Variants in CHL1 observed in about 807,000 individuals in gnomAD.
The protein encoded by CHL1 is cell adhesion molecule L1 like.
Under a neutral mutation model 141.9 loss-of-function variants are expected in CHL1, and 96 were observed. The observed-to-expected ratio is 0.68, with a 90% CI of 0.57 to 0.80. The LOEUF (loss-of-function observed/expected upper bound fraction) is 0.80, where lower values mean the gene tolerates loss of function less well. Ranked by LOEUF, CHL1 falls within the 30% of genes least tolerant of loss-of-function variation. CHL1 has a pLI of 0.00. For missense variants in CHL1, 1,820 were observed against 1,457.2 expected, an observed-to-expected ratio of 1.25 and a Z score of -4.05; for synonymous variants, 613 against 502.2, an observed-to-expected ratio of 1.22 and a Z score of -2.95.
At chr3:405,055 A>G (rs1170184413) in intron 27 of CHL1, among the ~76,000 whole-genome samples, 1 of 152,090 alleles carries the variant, frequency 6.6e-6, no homozygotes, top group African/African-American at 2.4e-5. Flanking sequence ...AATATCATTC[A>G]CTAGGGTTCC....
chr3:302,284 T>G (rs748324632), intron 2 of CHL1, among the ~76,000 whole-genome samples: 2 of 152,248 alleles, frequency 1.3e-5, no homozygotes, highest in Non-Finnish European at 2.9e-5. Flanking sequence ...CTGGGTCAAA[T>G]GGTATTTCTA....
intron 14 of CHL1, 29 bp downstream of exon 14, chr3:363,412 G>A: frequency 6.3e-7 from 1 of 1,585,502 alleles, no homozygotes; most frequent in African/African-American, 1.3e-5. Flanking sequence ...TACTTTGCAT[G>A]AATTGTCACA....
At chr3:322,872 C>T (rs1700709458) in intron 3 of CHL1, among the ~76,000 whole-genome samples, 1 of 150,872 alleles carries the variant, frequency 6.6e-6, no homozygotes, top group Admixed American at 6.6e-5. Context: ...TCCATATACT[C>T]AGAGTAAAAA....
intron 2 of CHL1, chr3:248,234 C>T (rs1045723800): frequency 1.3e-5 from 2 of 152,056 alleles, no homozygotes; most frequent in African/African-American, 4.8e-5. Context: ...ATCAAGTACA[C>T]AAATAAATTT....
rs367803186 is a variant in CHL1, at chr3:276,753, C to G, written c.-95+32061C>G. ...AAATACAAAAAATTAGCTGGGCATG[C>G]TGGCCGGCACCTGTAGTCCCAGCTA... On this transcript the variant is annotated intron_variant, in intron 2 of 27. Coordinates refer to ENST00000256509, the MANE Select transcript of CHL1 (RefSeq NM_006614.4). 2.3e-3 allele frequency among the ~76,000 whole-genome samples: 353 copies of G among 151,838 alleles called. 1 individual carries two copies. Among genetic ancestry groups the G allele is most frequent in the African/African-American group, 7.6e-3 (314 of 41,422 alleles).
chr3:376,188 T>TAA (rs1706292014), intron 15 of CHL1, among the ~76,000 whole-genome samples: 1 of 152,244 alleles, frequency 6.6e-6, no homozygotes, highest in East Asian at 1.9e-4. Context: ...GAGGGAGGAA[T>TAA]AAGTGACTGT....
At chr3:375,681 C>T (rs1706224781) in intron 15 of CHL1, among the ~76,000 whole-genome samples, 1 of 152,084 alleles carries the variant, frequency 6.6e-6, no homozygotes, top group South Asian at 2.1e-4. Context: ...TCTCTGAGCA[C>T]ATACTCTGCC....
chr3:325,548 A>T (rs567888150), intron 3 of CHL1, among the ~76,000 whole-genome samples: 1 of 152,236 alleles, frequency 6.6e-6, no homozygotes, highest in South Asian at 2.1e-4. Flanking sequence ...GCAGTACATT[A>T]ATTATAATGT....
chr3:284,404 G>T (rs551825097), intron 2 of CHL1, among the ~76,000 whole-genome samples: 1 of 152,302 alleles, frequency 6.6e-6, no homozygotes, highest in Admixed American at 6.5e-5. Context: ...ATATCAACTT[G>T]CTTCTCTACC....
chr3:208,689 T>C (rs17006099), intron 1 of CHL1, among the ~76,000 whole-genome samples: 14,605 of 152,234 alleles, frequency 0.096, 764 homozygotes, highest in African/African-American at 0.14. Flanking sequence ...GGTGGTTTTA[T>C]GTGTGTACCT....
intron 2 of CHL1, among the ~76,000 whole-genome samples, chr3:252,887 G>C (rs775478225): frequency 6.6e-6 from 1 of 151,706 alleles, no homozygotes; most frequent in Non-Finnish European, 1.5e-5. Context: ...TTTCATTTTG[G>C]GTGGAAGACT....
chr3:312,421 C>G (rs1699828601), intron 2 of CHL1, among the ~76,000 whole-genome samples: 1 of 152,152 alleles, frequency 6.6e-6, no homozygotes, highest in Admixed American at 6.5e-5. Flanking sequence ...ACAGTTATTT[C>G]AGGATTACTG....
chr3:388,578 A>G (rs921731632), intron 19 of CHL1, among the ~76,000 whole-genome samples: 1 of 152,126 alleles, frequency 6.6e-6, no homozygotes, highest in Non-Finnish European at 1.5e-5. Context: ...GAAACGAAAA[A>G]AAAAGTTATT....
chr3:305,686 A>G (rs1699165705), intron 2 of CHL1, among the ~76,000 whole-genome samples: 1 of 151,074 alleles, frequency 6.6e-6, no homozygotes, highest in African/African-American at 2.4e-5. Context: ...TATACATTAT[A>G]TATAATATAA....
chr3:354,707 A>C lies in CHL1; in HGVS notation c.1101A>C (p.Leu367Phe), dbSNP rs200038741. ...VYSTGSNGIL[L>F]CEAEGEPQPT... is the part of the protein sequence containing the mutation. The stretch of plus-strand genomic sequence containing the variant: ...GCACCGGAAGCAATGGCATCTTGTT[A>C]TGTGAGGCTGAAGGAGAACCTCAAC... The change falls in exon 11 of 28, where the codon TTA (leucine) becomes TTC (phenylalanine). Residue 367 changes from leucine (L) to phenylalanine (F), a missense_variant. Physicochemically the swap from Leu to Phe is conservative, Grantham distance 22. Coordinates refer to ENST00000256509, the MANE Select transcript of CHL1 (RefSeq NM_006614.4). 7.4e-6 allele frequency: 12 copies of C among 1,614,032 alleles called. No individual in the cohort carries two copies. The highest frequency in any genetic ancestry group is 4.5e-5 in the East Asian group (2 of 44,886).
rs960619576 is a variant in CHL1, at chr3:408,596, T to C, written c.*2885T>C. The C allele has an allele frequency of 6.6e-6, 1 of 152,130 alleles. No homozygotes were observed. Among genetic ancestry groups the C allele is most frequent in the African/African-American group, 2.4e-5 (1 of 41,446 alleles). 9.4% of individuals were successfully genotyped at this position (152,130 alleles called of 1,614,324 possible). A position where few individuals can be genotyped will look rare whatever the true frequency, so the allele number is the denominator to read the frequency against. On this transcript the variant is annotated 3_prime_UTR_variant, in exon 28 of 28. Transcript: ENST00000256509. ...GCAAACCTTTAACTAATTATGTATC[T>C]GAAAGTCACCCCCACATACCAACTC...
chr3:249,437 T>C (rs1044048809), intron 2 of CHL1, among the ~76,000 whole-genome samples: 2 of 152,138 alleles, frequency 1.3e-5, no homozygotes, highest in Non-Finnish European at 2.9e-5. Context: ...ATGTCAAAGC[T>C]CACTAAGAAC....
intron 1 of CHL1, among the ~76,000 whole-genome samples, chr3:218,712 G>T (rs182667510): frequency 4.4e-4 from 67 of 152,014 alleles, no homozygotes; most frequent in Admixed American, 1.4e-3. Context: ...ATGACATAAA[G>T]AACAAAATAA....
chr3:264,829 T>C (rs1695023519), intron 2 of CHL1, among the ~76,000 whole-genome samples: 1 of 152,228 alleles, frequency 6.6e-6, no homozygotes, highest in Non-Finnish European at 1.5e-5. Flanking sequence ...ACTTAGTGAA[T>C]TAGACATCTA....
Sources: gnomAD v4.1 joint callset for allele counts (sites outside exome capture counted in the v4.1 genomes callset) on GRCh38, gnomAD v4.1.1 for gene constraint, MANE v1.5 for transcripts, NCBI Gene and HGNC (gene_info 2026-07-23, HGNC 2026-07-21) for gene names.